Variants in MTCL1 observed in about 807,000 individuals in gnomAD.
The protein encoded by MTCL1 is microtubule crosslinking factor 1.
A neutral mutation model predicts 141.4 loss-of-function variants in MTCL1; 79 were observed. The observed-to-expected ratio is 0.56, with a 90% CI of 0.47 to 0.67. The LOEUF (loss-of-function observed/expected upper bound fraction) is 0.67. Among genes scored for constraint, MTCL1 ranks in the 30% least tolerant of loss-of-function variants. The pLI is 0.00. For synonymous variants in MTCL1, 914 were observed against 875.8 expected (o/e 1.04, Z -0.77); for missense variants, 2,177 against 2,113.9 (o/e 1.03, Z -0.59).
intron 6 of MTCL1, chr18:8,785,542 T>C: frequency 4.5e-6 from 1 of 224,282 alleles, no homozygotes; most frequent in Non-Finnish European, 8.8e-6. Flanking sequence ...CTTTGGCTGC[T>C]CGACCCACAA....
intron 9 of MTCL1, among the ~76,000 whole-genome samples, chr18:8,797,315 T>TG (rs1457362667): frequency 5.3e-5 from 8 of 152,242 alleles, no homozygotes; most frequent in African/African-American, 1.7e-4. Flanking sequence ...TGAGTCACTT[T>TG]GCCACCTCTG....
intron 4 of MTCL1, among the ~76,000 whole-genome samples, chr18:8,729,731 T>G (rs1026390911): frequency 1.5e-5 from 2 of 131,904 alleles, no homozygotes; most frequent in African/African-American, 5.9e-5. Flanking sequence ...TATATATATA[T>G]ATGGTTTGCA....
chr18:8,785,474 A>G (rs1292180599), intron 6 of MTCL1, among the ~76,000 whole-genome samples: 1 of 152,172 alleles, frequency 6.6e-6, no homozygotes, highest in African/African-American at 2.4e-5. Context: ...AGGGTCTCCG[A>G]GGACTGCTGT....
At chr18:8,768,683 C>T (rs1196846794) in intron 4 of MTCL1, among the ~76,000 whole-genome samples, 5 of 151,662 alleles carry the variant, frequency 3.3e-5, no homozygotes, top group Non-Finnish European at 7.4e-5. Context: ...TTCTAACTCT[C>T]TTGCTTTATT....
intron 4 of MTCL1, among the ~76,000 whole-genome samples, chr18:8,756,529 G>A (rs1457946013): frequency 3.2e-4 from 45 of 142,698 alleles, no homozygotes; most frequent in African/African-American, 1.2e-3. Flanking sequence ...GTATATATGT[G>A]TGTGTATATA....
intron 4 of MTCL1, among the ~76,000 whole-genome samples, chr18:8,728,804 G>C (rs1269864728): frequency 8.1e-6 from 1 of 122,960 alleles, no homozygotes; most frequent in Non-Finnish European, 1.6e-5. Context: ...GATTGATCTC[G>C]GCTCGCTGCA....
rs565718460 is a variant in MTCL1 at position 8,820,890 on chromosome 18, G to A, written c.3157-577G>A. 2.2e-4 allele frequency among the ~76,000 whole-genome samples: 34 copies of A among 152,308 alleles called. 1 individual carries two copies. Among genetic ancestry groups the A allele is most frequent in the Admixed American group, 1.8e-3 (28 of 15,300 alleles). On this transcript the variant is annotated intron_variant, in intron 13 of 16. Transcript: ENST00000359865. Reference sequence around the variant, plus strand: ...CAGCAGACAACCTCGTGTTTATGCCGTTCTCTACAAACACAGCTATCATTC... The same window carrying A: ...CAGCAGACAACCTCGTGTTTATGCCATTCTCTACAAACACAGCTATCATTC...
intron 4 of MTCL1, among the ~76,000 whole-genome samples, chr18:8,750,462 G>C (rs545258787): frequency 6.6e-6 from 1 of 152,372 alleles, no homozygotes; most frequent in South Asian, 2.1e-4. Context: ...GCTGCTCTCT[G>C]TGCCCTGGGC....
intron 4 of MTCL1, among the ~76,000 whole-genome samples, chr18:8,727,725 A>G (rs2096225024): frequency 6.6e-6 from 1 of 152,202 alleles, no homozygotes; most frequent in African/African-American, 2.4e-5. Context: ...TTTTTTAAAA[A>G]TGGGATCTGA....
At chr18:8,786,469 C>T in intron 7 of MTCL1, 1 of 419,160 alleles carries the variant, frequency 2.4e-6, no homozygotes, top group Non-Finnish European at 4.7e-6. Flanking sequence ...GGAAACTCTC[C>T]TTAGAGTTCC....
intron 10 of MTCL1, among the ~76,000 whole-genome samples, chr18:8,805,306 T>A (rs2076260908): frequency 6.6e-6 from 1 of 152,174 alleles, no homozygotes; most frequent in Non-Finnish European, 1.5e-5. Context: ...TTCCCATCTC[T>A]GTCCGAGTAT....
chr18:8,750,113 G>A (rs1053095438), intron 4 of MTCL1, among the ~76,000 whole-genome samples: 1 of 151,538 alleles, frequency 6.6e-6, no homozygotes. Flanking sequence ...GTGTGATCGC[G>A]GCTCACTGCA....
At chr18:8,788,064 C>T (rs763435620) in intron 7 of MTCL1, among the ~76,000 whole-genome samples, 1 of 152,146 alleles carries the variant, frequency 6.6e-6, no homozygotes, top group Non-Finnish European at 1.5e-5. Context: ...GAATTTGCTG[C>T]CAACAATTGC....
At chr18:8,809,934 G>C (rs535132971) in intron 11 of MTCL1, 3 of 185,728 alleles carry the variant, frequency 1.6e-5, no homozygotes, top group South Asian at 1.8e-4. Context: ...CAGAATGAAA[G>C]GAACTCATAG....
At position 8,705,814 on chromosome 18, in the gene MTCL1, C is replaced by T. The variant is rs1598333309; in HGVS notation, c.154C>T (p.Leu52=). The change falls in exon 1 of 14, where the codon CTG becomes TTG. Residue 52 remains leucine (L), a synonymous_variant. Coordinates refer to the MTCL1 transcript ENST00000306329. The surrounding 1 kb of genome is among the most constrained non-coding windows in gnomAD (Gnocchi z 5.2). ...GCCCGCCAGACCCTTCCTCAAGGAC[C>T]TGCACGCCCGGCCCGCCGCGCCCGG... The T allele has an allele frequency of 8.4e-7, 1 of 1,187,870 alleles. No individual in the cohort carries two copies. Among genetic ancestry groups the T allele is most frequent in the Non-Finnish European group, 1.0e-6 (1 of 959,078 alleles). The allele number at this position is 1,187,870 out of a possible 1,614,324, so 73.6% of individuals were successfully genotyped here.
At chr18:8,743,729 C>A (rs1249398939) in intron 4 of MTCL1, among the ~76,000 whole-genome samples, 1 of 152,236 alleles carries the variant, frequency 6.6e-6, no homozygotes, top group Non-Finnish European at 1.5e-5. Flanking sequence ...TTTTTAAAAA[C>A]CCTATGATGG....
At chr18:8,760,695 C>CGTGTGTGTGTGTCT (rs1555643261) in intron 4 of MTCL1, among the ~76,000 whole-genome samples, 18 of 151,768 alleles carry the variant, frequency 1.2e-4, no homozygotes, top group African/African-American at 4.4e-4. Flanking sequence ...CGTAAGAAAC[C>CGTGTGTGTGTGTCT]GTGTGTGTGT....
intron 16 of MTCL1, chr18:8,830,000 G>T: frequency 1.0e-6 from 1 of 985,452 alleles, no homozygotes; most frequent in Non-Finnish European, 1.2e-6. Context: ...ATACGGTGGT[G>T]TCAGATAAAC....
chr18:8,826,035 G>A (rs1284577494), exon 15 of MTCL1: 8 of 1,611,572 alleles, frequency 5.0e-6, no homozygotes, highest in South Asian at 4.4e-5. Flanking sequence ...GGAGGAAGGG[G>A]GAGAGGGCAC....
Sources: gnomAD v4.1 joint callset for allele counts (sites outside exome capture counted in the v4.1 genomes callset) on GRCh38, gnomAD v4.1.1 for gene constraint, Gnocchi (gnomAD v3.1) non-coding constraint, MANE v1.5 for transcripts, NCBI Gene and HGNC (gene_info 2026-07-23, HGNC 2026-07-21) for gene names.